The following PIP4K2A variants were observed in gnomAD, a reference collection of about 807,000 sequenced individuals.
PIP4K2A encodes phosphatidylinositol-5-phosphate 4-kinase type 2 alpha, also known as phosphatidylinositol 5-phosphate 4-kinase type-2 alpha.
A neutral mutation model predicts 42.9 loss-of-function variants in PIP4K2A; 14 were observed. That is an observed-to-expected ratio of 0.33 (90% CI 0.22 to 0.51). The LOEUF is 0.51. Ranked by LOEUF, PIP4K2A falls within the 20% of genes least tolerant of loss-of-function variation. PIP4K2A has a pLI of 0.97. For synonymous variants in PIP4K2A, 192 were observed against 192.2 expected, an observed-to-expected ratio of 1.00 and a Z score of 0.01; for missense variants, 434 against 519.8, an observed-to-expected ratio of 0.83 and a Z score of 1.61.
At chr10:22,695,870 C>A (rs1274346479) in intron 1 of PIP4K2A, among the ~76,000 whole-genome samples, 1 of 151,874 alleles carries the variant, frequency 6.6e-6, no homozygotes, top group Non-Finnish European at 1.5e-5. Context: ...TATTTTCGAC[C>A]CGTGGTTGGT....
At position 22,645,844 on chromosome 10, in the gene PIP4K2A, G is replaced by A. The variant is rs117632093; in HGVS notation, c.145-36127C>T. Among the ~76,000 whole-genome samples the A allele has an allele frequency of 8.0e-3, 1,214 of 151,940 alleles. 12 individuals carry two copies. The highest frequency in any genetic ancestry group is 0.013 in the Non-Finnish European group (851 of 67,962). ...GCCTCCTGAGTAGCTGGGACTACAG[G>A]TACGAGCCAACACACCAGCTAATCT... is the stretch of plus-strand genomic sequence containing the variant. On this transcript the variant is annotated intron_variant, in intron 1 of 9. Coordinates refer to ENST00000376573, the MANE Select transcript of PIP4K2A (RefSeq NM_005028.5).
chr10:22,646,707 G>A (rs983577118), intron 1 of PIP4K2A, among the ~76,000 whole-genome samples: 1 of 152,204 alleles, frequency 6.6e-6, no homozygotes, highest in African/African-American at 2.4e-5. Context: ...CTGAAGGCAA[G>A]CCAAAGTGGG....
chr10:22,637,129 CG>C (rs1288320868), intron 1 of PIP4K2A, among the ~76,000 whole-genome samples: 13 of 152,162 alleles, frequency 8.5e-5, no homozygotes, highest in African/African-American at 3.1e-4. Context: ...GAAGAGCAAA[CG>C]TCAAACAAGC....
At chr10:22,558,545 A>G (rs1836609357) in intron 6 of PIP4K2A, among the ~76,000 whole-genome samples, 1 of 152,256 alleles carries the variant, frequency 6.6e-6, no homozygotes, top group Non-Finnish European at 1.5e-5. Flanking sequence ...TAAAGTTCAT[A>G]CAGAAGTAGC....
intron 1 of PIP4K2A, among the ~76,000 whole-genome samples, chr10:22,663,906 C>T (rs1453365459): frequency 1.3e-5 from 2 of 150,202 alleles, no homozygotes; most frequent in African/African-American, 4.9e-5. Context: ...TGATAAATAT[C>T]ACTGTATATA....
In PIP4K2A at chr10:22,578,588, C is replaced by T. The variant is rs541396441; in HGVS notation, c.493-5131G>A. Among the ~76,000 whole-genome samples the T allele has an allele frequency of 4.6e-5, 7 of 152,320 alleles. 1 individual carries two copies. The highest frequency in any genetic ancestry group is 1.7e-4 in the African/African-American group (7 of 41,570). On this transcript the variant is annotated intron_variant, in intron 4 of 9. Coordinates refer to ENST00000376573, the MANE Select transcript of PIP4K2A (RefSeq NM_005028.5). Reference sequence around the variant, plus strand: ...ACATGCCCATTGTCAGGGCCCTGACCTAGATGTCCTCTCATCTTCTCTTCT... The same window carrying T: ...ACATGCCCATTGTCAGGGCCCTGACTTAGATGTCCTCTCATCTTCTCTTCT...
At chr10:22,577,129 A>G (rs918872333) in intron 4 of PIP4K2A, among the ~76,000 whole-genome samples, 2 of 150,744 alleles carry the variant, frequency 1.3e-5, no homozygotes, top group African/African-American at 4.9e-5. Context: ...AAAAATACGT[A>G]TTGAGCATCC....
At position 22,714,164 on chromosome 10, in the gene PIP4K2A, G is replaced by A. The variant is rs770662202; in HGVS notation, c.144+19C>T. 1.2e-5 allele frequency: 19 copies of A among 1,595,560 alleles called. No individual in the cohort carries two copies. The highest frequency in any genetic ancestry group is 1.4e-5 in the African/African-American group (1 of 73,836). On this transcript the variant is annotated intron_variant, in intron 1 of 9. Transcript: ENST00000376573. Reference sequence around the variant, plus strand: ...AGGAGGAGGAGGAAGGGGACCGCGCGCCGCAGCTGAGCCCTTACCGAGTGG... The same window carrying A: ...AGGAGGAGGAGGAAGGGGACCGCGCACCGCAGCTGAGCCCTTACCGAGTGG...
chr10:22,611,849 C>T (rs578156333), intron 1 of PIP4K2A, among the ~76,000 whole-genome samples: 3 of 152,322 alleles, frequency 2.0e-5, no homozygotes, highest in South Asian at 2.1e-4. Flanking sequence ...ATCAGCACTT[C>T]GATATCTTGT....
intron 1 of PIP4K2A, among the ~76,000 whole-genome samples, chr10:22,693,504 AAAGCATGTGTCTAT>A: frequency 6.6e-6 from 1 of 152,360 alleles, no homozygotes; most frequent in South Asian, 2.1e-4. Context: ...ATAGCTAGAC[AAAGCATGTGTCTAT>A]AAGAAAGCAA....
intron 3 of PIP4K2A, among the ~76,000 whole-genome samples, chr10:22,601,435 G>C (rs1837773922): frequency 1.3e-5 from 2 of 152,178 alleles, no homozygotes; most frequent in Admixed American, 1.3e-4. Context: ...CTGTGAGGGA[G>C]CTTCCCCCAG....
intron 6 of PIP4K2A, among the ~76,000 whole-genome samples, chr10:22,552,597 T>C (rs1486034422): frequency 1.3e-5 from 2 of 151,870 alleles, no homozygotes. Flanking sequence ...TCACCAAGAA[T>C]GAAATGCAAG....
At chr10:22,693,672 C>G (rs1007142315) in intron 1 of PIP4K2A, among the ~76,000 whole-genome samples, 1 of 152,128 alleles carries the variant, frequency 6.6e-6, no homozygotes, top group Non-Finnish European at 1.5e-5. Flanking sequence ...GCTTAGTCAT[C>G]GACACACTAC....
intron 1 of PIP4K2A, among the ~76,000 whole-genome samples, chr10:22,669,677 G>A (rs988507699): frequency 1.3e-5 from 2 of 152,166 alleles, no homozygotes. Flanking sequence ...AGGACACCAC[G>A]GATGCAGGAT....
At chr10:22,682,886 T>C (rs1207334317) in intron 1 of PIP4K2A, among the ~76,000 whole-genome samples, 2 of 152,136 alleles carry the variant, frequency 1.3e-5, no homozygotes, top group Non-Finnish European at 1.5e-5. Context: ...CATCTTTACA[T>C]ATGCATCATT....
intron 6 of PIP4K2A, among the ~76,000 whole-genome samples, chr10:22,553,680 T>C (rs1341909577): frequency 6.6e-6 from 1 of 152,082 alleles, no homozygotes; most frequent in African/African-American, 2.4e-5. Context: ...ATGTGACAGA[T>C]TCAAATAGTG....
intron 6 of PIP4K2A, among the ~76,000 whole-genome samples, chr10:22,565,016 T>TA (rs1180203763): frequency 6.6e-6 from 1 of 152,232 alleles, no homozygotes; most frequent in Non-Finnish European, 1.5e-5. Context: ...AAGCAGTTCT[T>TA]ACAATGCTTG....
intron 1 of PIP4K2A, among the ~76,000 whole-genome samples, chr10:22,663,844 G>A (rs1324653142): frequency 6.6e-6 from 1 of 151,008 alleles, no homozygotes; most frequent in Non-Finnish European, 1.5e-5. Flanking sequence ...TAATCTCACT[G>A]TTGTGCATTC....
intron 1 of PIP4K2A, among the ~76,000 whole-genome samples, chr10:22,610,983 T>G (rs923742397): frequency 4.3e-4 from 65 of 152,156 alleles, no homozygotes; most frequent in African/African-American, 1.6e-3. Context: ...GATGATCAGA[T>G]ATAGAATTTT....
Sources: allele counts gnomAD v4.1 joint callset (sites outside exome capture counted in the v4.1 genomes callset), GRCh38; gene constraint gnomAD v4.1.1; transcripts MANE v1.5; gene names NCBI Gene and HGNC (gene_info 2026-07-23, HGNC 2026-07-21).